RARS2: variants seen among roughly 807,000 people sequenced by gnomAD.
RARS2 encodes the protein arginyl-tRNA synthetase 2, mitochondrial.
RARS2 carries 67 observed loss-of-function variants against 88.5 expected under a neutral mutation model. That is an observed-to-expected ratio of 0.76 (90% CI 0.62 to 0.93). The LOEUF is 0.93. Among genes scored for constraint, RARS2 ranks in the 40% least tolerant of loss-of-function variants. The pLI, the probability that RARS2 is intolerant of heterozygous loss-of-function variation, is 0.00. For missense variants in RARS2, 664 were observed against 684.2 expected, an observed-to-expected ratio of 0.97 and a Z score of 0.33; for synonymous variants, 239 against 230.3, an observed-to-expected ratio of 1.04 and a Z score of -0.34.
At chr6:87,555,061 G>A (rs1196140660) in intron 5 of RARS2, among the ~76,000 whole-genome samples, 1 of 150,992 alleles carries the variant, frequency 6.6e-6, no homozygotes, top group Non-Finnish European at 1.5e-5. Flanking sequence ...CTGAGATCTC[G>A]CCACTCCAGC....
intron 10 of RARS2, among the ~76,000 whole-genome samples, chr6:87,526,634 G>A (rs958441317): frequency 3.3e-5 from 5 of 150,838 alleles, no homozygotes; most frequent in African/African-American, 9.8e-5. Context: ...ATAGAATAGA[G>A]AGCCTAGATA....
Position 87,569,591 on chromosome 6 carries a change from CT to C in RARS2, c.37-2del. On this transcript the variant is annotated splice_acceptor_variant, in intron 1 of 19. Transcript: ENST00000369536. LOFTEE classifies it high-confidence loss of function. Reference sequence around the variant, plus strand: ...GTGGAAGATTCAACACTCTGGAAAGCTAAAAATCAAAAAGAACAAAACAGTG... The same window carrying C: ...GTGGAAGATTCAACACTCTGGAAAGCAAAAATCAAAAAGAACAAAACAGTG... The C allele has an allele frequency of 6.2e-7, 1 of 1,602,016 alleles. No homozygotes were observed. The highest frequency in any genetic ancestry group is 8.6e-7 in the Non-Finnish European group (1 of 1,169,338).
intron 4 of RARS2, among the ~76,000 whole-genome samples, chr6:87,558,204 ATACTAATTACT>A (rs1786626213): frequency 6.6e-6 from 1 of 152,034 alleles, no homozygotes. Flanking sequence ...AAGACTTCAA[ATACTAATTACT>A]TAATCTCTCT....
chr6:87,527,569 A>G (rs553456216), intron 10 of RARS2, among the ~76,000 whole-genome samples: 1 of 152,280 alleles, frequency 6.6e-6, no homozygotes, highest in Non-Finnish European at 1.5e-5. Context: ...GCATAAAACT[A>G]AAAAAGCTTC....
At chr6:87,562,216 A>G (rs926857073) in intron 4 of RARS2, among the ~76,000 whole-genome samples, 20 of 152,178 alleles carry the variant, frequency 1.3e-4, no homozygotes, top group African/African-American at 4.1e-4. Context: ...CAGCCTCCCA[A>G]GTGCTTATAC....
chr6:87,556,700 G>A (rs1448069370), intron 4 of RARS2, among the ~76,000 whole-genome samples: 2 of 148,198 alleles, frequency 1.3e-5, no homozygotes, highest in African/African-American at 5.0e-5. Flanking sequence ...GCTGAGACAG[G>A]AGAATTGCTT....
At chr6:87,539,831 G>C (rs1282741379) in intron 8 of RARS2, among the ~76,000 whole-genome samples, 5 of 152,110 alleles carry the variant, frequency 3.3e-5, no homozygotes, top group African/African-American at 1.2e-4. Flanking sequence ...TGGCACCGGG[G>C]AACAAGCATG....
chr6:87,567,865 C>T (rs1052465101), intron 2 of RARS2, among the ~76,000 whole-genome samples: 2 of 152,036 alleles, frequency 1.3e-5, no homozygotes, highest in African/African-American at 4.8e-5. Context: ...TCCGCCTCCC[C>T]GGTTCAAGCG....
chr6:87,555,548 T>C (rs1471040062), intron 4 of RARS2, 43 bp from the exon 5 acceptor site: 1 of 1,387,068 alleles, frequency 7.2e-7, no homozygotes, highest in South Asian at 1.2e-5. Flanking sequence ...AAAATTACAA[T>C]GCTTTTAATT....
Position 87,542,012 on chromosome 6 carries a change from A to G in RARS2, c.536-18T>C. 1.3e-6 allele frequency: 2 copies of G among 1,597,752 alleles called. No individual in the cohort carries two copies. The highest frequency in any genetic ancestry group is 1.3e-5 in the African/African-American group (1 of 74,714). On this transcript the variant is annotated intron_variant, in intron 7 of 19. Coordinates refer to ENST00000369536, the MANE Select transcript of RARS2 (RefSeq NM_020320.5). Reference sequence around the variant, plus strand: ...CAGAAGACCTACCATGATAATCCGTAAATGAAAAATTATAAAGTTGAACAA... The same window carrying G: ...CAGAAGACCTACCATGATAATCCGTGAATGAAAAATTATAAAGTTGAACAA...
In RARS2 at chr6:87,545,824, T is replaced by A. The variant is rs191737969; in HGVS notation, c.452-125A>T. ...TTTCACTAAATTTACCAACTCAATGTTTTTTACTAAAACATTCATCATTGT... is the reference window on the plus strand; with the variant it reads ...TTTCACTAAATTTACCAACTCAATGATTTTTACTAAAACATTCATCATTGT... On this transcript the variant is annotated intron_variant, in intron 6 of 19. Transcript: ENST00000369536. 279 of 1,129,144 alleles carry A rather than the reference T, an allele frequency of 2.5e-4. 2 individuals carry two copies. In the African/African-American group the frequency reaches 4.2e-3, roughly 17 times the overall value. The allele number at this position is 1,129,144 out of a possible 1,614,324, so 69.9% of individuals were successfully genotyped here.
At position 87,519,444 on chromosome 6, in the gene RARS2, A is replaced by T. The variant is rs568152985; in HGVS notation, c.1237+139T>A. ...CGAGTATAAAAATTCTGGCACCTCTAATTAGTGAAAGGTATTTTTGACAAA... is the reference window on the plus strand; with the variant it reads ...CGAGTATAAAAATTCTGGCACCTCTTATTAGTGAAAGGTATTTTTGACAAA... On this transcript the variant is annotated intron_variant, in intron 14 of 19. Transcript: ENST00000369536. The T allele has an allele frequency of 4.4e-6, 4 of 909,242 alleles. No homozygotes were observed. The East Asian group carries it at 1.1e-4, about 25-fold the overall frequency. 56.3% of individuals were successfully genotyped at this position (909,242 alleles called of 1,614,324 possible).
intron 4 of RARS2, among the ~76,000 whole-genome samples, chr6:87,561,896 T>C (rs1416384009): frequency 6.6e-6 from 1 of 152,254 alleles, no homozygotes; most frequent in Non-Finnish European, 1.5e-5. Flanking sequence ...ATAAGTGAGC[T>C]AATGGGTATC....
At chr6:87,569,832 G>A (rs1182422159) in intron 1 of RARS2, among the ~76,000 whole-genome samples, 1 of 150,968 alleles carries the variant, frequency 6.6e-6, no homozygotes, top group Admixed American at 6.6e-5. Flanking sequence ...GTTAAGGGGA[G>A]GATTTGACCA....
At chr6:87,561,365 C>T (rs1172743453) in intron 4 of RARS2, among the ~76,000 whole-genome samples, 1 of 152,194 alleles carries the variant, frequency 6.6e-6, no homozygotes, top group Non-Finnish European at 1.5e-5. Context: ...TACAGCCTAT[C>T]AATAGCTTAC....
intron 1 of RARS2, among the ~76,000 whole-genome samples, chr6:87,574,845 AAACAT>A (rs1770889043): frequency 6.6e-6 from 1 of 152,170 alleles, no homozygotes; most frequent in African/African-American, 2.4e-5. Flanking sequence ...AATAATTAAG[AAACAT>A]AACAGTATAG....
At chr6:87,551,976 A>G (rs1024654002) in intron 5 of RARS2, among the ~76,000 whole-genome samples, 1 of 152,206 alleles carries the variant, frequency 6.6e-6, no homozygotes, top group African/African-American at 2.4e-5. Flanking sequence ...ACCATCTACC[A>G]CGAGGAGTCC....
At chr6:87,569,470 A>G (rs1235120609) in intron 2 of RARS2, 47 bp downstream of exon 2, 1 of 1,468,776 alleles carries the variant, frequency 6.8e-7, no homozygotes, top group Non-Finnish European at 9.5e-7. Flanking sequence ...GTGTATCAAC[A>G]AAGTCAGCAA....
chr6:87,528,467 G>A (rs950769529), intron 10 of RARS2, among the ~76,000 whole-genome samples: 2 of 152,092 alleles, frequency 1.3e-5, no homozygotes, highest in African/African-American at 4.8e-5. Context: ...GCCCTACCAT[G>A]GTTATTGTAA....
Sources: allele counts gnomAD v4.1 joint callset (sites outside exome capture counted in the v4.1 genomes callset), GRCh38; gene constraint gnomAD v4.1.1; transcripts MANE v1.5; gene names NCBI Gene and HGNC (gene_info 2026-07-23, HGNC 2026-07-21).